NEMF: variants seen among roughly 807,000 people sequenced by gnomAD.
The protein encoded by NEMF is ribosome quality control complex subunit NEMF.
NEMF carries 89 observed loss-of-function variants against 162.2 expected under a neutral mutation model. The ratio of observed to expected loss-of-function variants is 0.55; its 90% CI spans 0.46 to 0.65. The LOEUF (loss-of-function observed/expected upper bound fraction) is 0.65, where lower values mean the gene tolerates loss of function less well. Ranked by LOEUF, NEMF falls within the 30% of genes least tolerant of loss-of-function variation. NEMF has a pLI of 0.00. For synonymous variants in NEMF, 421 were observed against 404.5 expected (o/e 1.04, Z -0.49); for missense variants, 1,133 against 1,261.9 (o/e 0.90, Z 1.55).
chr14:49,794,206 T>C (rs1890582258), intron 26 of NEMF, among the ~76,000 whole-genome samples: 1 of 152,120 alleles, frequency 6.6e-6, no homozygotes, highest in Non-Finnish European at 1.5e-5. Context: ...CATAGGGAAA[T>C]CCCTCCTTAT....
At chr14:49,840,917 C>G (rs757375291) in intron 4 of NEMF, 51 bp from the exon 5 acceptor site, 2 of 1,540,220 alleles carry the variant, frequency 1.3e-6, no homozygotes, top group East Asian at 4.5e-5. Flanking sequence ...ATTTTTGAGG[C>G]CAGGCACAGT....
At chr14:49,824,815 G>A (rs912034872) in intron 16 of NEMF, among the ~76,000 whole-genome samples, 1 of 151,700 alleles carries the variant, frequency 6.6e-6, no homozygotes, top group Non-Finnish European at 1.5e-5. Context: ...GAAGCTTCTG[G>A]AACACACACT....
intron 1 of NEMF, 76 bp downstream of exon 1, chr14:49,852,619 G>C: frequency 6.8e-7 from 1 of 1,481,136 alleles, no homozygotes; most frequent in Non-Finnish European, 9.4e-7. Context: ...TATCAAGCTG[G>C]TCTGTTTGCG....
intron 15 of NEMF, among the ~76,000 whole-genome samples, chr14:49,826,733 T>C (rs1211699280): frequency 6.6e-6 from 1 of 152,092 alleles, no homozygotes; most frequent in African/African-American, 2.4e-5. Flanking sequence ...ACACAAAGAT[T>C]CTACTTTCAT....
chr14:49,799,207 C>CAAAAAA (rs780442972), intron 25 of NEMF, among the ~76,000 whole-genome samples: 2,600 of 59,048 alleles, frequency 0.044, 553 homozygotes, highest in East Asian at 0.06. Flanking sequence ...GACCCTGTTT[C>CAAAAAA]AAAAAAAAAA....
chr14:49,806,252 A>ATTTT (rs1891199006), intron 18 of NEMF, 119 bp from the exon 19 acceptor site: 3 of 16,740 alleles, frequency 1.8e-4, no homozygotes, highest in African/African-American at 5.4e-4. Context: ...ATATATATAT[A>ATTTT]TATATTTTTT....
Position 49,789,499 on chromosome 14 carries a change from C to T in NEMF, c.2694G>A (p.Leu898=), listed in dbSNP as rs1466582453. The change falls in exon 27 of 33, where the codon CTG becomes CTA. Residue 898 remains leucine, a synonymous_variant. Transcript: ENST00000298310. ...AATGTTTTTAGATGTTATTTACCCCCAGCAACTTCATGATAAGTTCACGGT... is the reference window on the plus strand; with the variant it reads ...AATGTTTTTAGATGTTATTTACCCCTAGCAACTTCATGATAAGTTCACGGT... The part of the protein sequence containing the change: ...EEDRELIMKL[L]GSAGSNKEEK... 3 of 1,612,036 alleles carry T rather than the reference C, an allele frequency of 1.9e-6. No homozygotes were observed. In the African/African-American group the frequency reaches 4.0e-5, roughly 22 times the overall value.
intron 18 of NEMF, 75 bp from the exon 19 acceptor site, chr14:49,806,208 C>CGCATGACA (rs1891180985): frequency 5.0e-6 from 3 of 594,406 alleles, no homozygotes; most frequent in Non-Finnish European, 8.6e-6. Flanking sequence ...AATCACATGC[C>CGCATGACA]GCATGACAGG....
chr14:49,828,314 T>C lies in NEMF; in HGVS notation c.1465A>G (p.Lys489Glu). The change falls in exon 15 of 33, where the codon AAG becomes GAG. Residue 489 changes from lysine (K) to glutamate (E), a missense_variant. Lys to Glu is a moderately conservative substitution (Grantham distance 56). Transcript: ENST00000298310. ...ACCTTCTCAGCAGCTTCAACAGTCT[T>C]TTGTGTTTTCTTAGCAGCATATCTC... ...HKRYAAKKTQKTVEAAEKAFK... is the reference protein window; with the variant it reads ...HKRYAAKKTQETVEAAEKAFK... 2.5e-6 allele frequency: 4 copies of C among 1,605,930 alleles called. No individual in the cohort carries two copies. The highest frequency in any genetic ancestry group is 3.4e-6 in the Non-Finnish European group (4 of 1,174,518).
At chr14:49,803,047 T>C (rs1247297748) in intron 20 of NEMF, among the ~76,000 whole-genome samples, 190 bp downstream of exon 20, 1 of 152,200 alleles carries the variant, frequency 6.6e-6, no homozygotes, top group African/African-American at 2.4e-5. Flanking sequence ...TCAATAAAAA[T>C]ATACATGAAG....
chr14:49,817,698 T>C (rs1221279684), intron 16 of NEMF, among the ~76,000 whole-genome samples: 1 of 152,196 alleles, frequency 6.6e-6, no homozygotes, highest in Non-Finnish European at 1.5e-5. Context: ...CAGAATATTA[T>C]AAACTTTCTG....
chr14:49,846,852 G>A (rs1204097325), intron 3 of NEMF, among the ~76,000 whole-genome samples: 1 of 152,124 alleles, frequency 6.6e-6, no homozygotes, highest in African/African-American at 2.4e-5. Context: ...CCTTGTTGTG[G>A]TCCTAATGAC....
intron 26 of NEMF, among the ~76,000 whole-genome samples, 164 bp downstream of exon 26, chr14:49,795,627 C>T (rs1413717587): frequency 6.6e-6 from 1 of 152,210 alleles, no homozygotes; most frequent in Non-Finnish European, 1.5e-5. Context: ...TAATAGTGAT[C>T]TCTGTGTTCC....
intron 16 of NEMF, among the ~76,000 whole-genome samples, chr14:49,819,874 T>G (rs1262854981): frequency 1.3e-5 from 2 of 152,142 alleles, no homozygotes; most frequent in African/African-American, 4.8e-5. Context: ...TAGGATGTTG[T>G]GATACCCATT....
chr14:49,826,000 T>G, intron 15 of NEMF, 45 bp from the exon 16 acceptor site: 1 of 1,335,116 alleles, frequency 7.5e-7, no homozygotes, highest in Non-Finnish European at 1.1e-6. Flanking sequence ...TAAGAATGTA[T>G]TTAAATAACA....
intron 6 of NEMF, among the ~76,000 whole-genome samples, chr14:49,834,953 C>T (rs974114788): frequency 1.3e-5 from 2 of 152,288 alleles, no homozygotes; most frequent in Non-Finnish European, 2.9e-5. Flanking sequence ...AATCCCGGCA[C>T]TTTGGGAGGC....
intron 15 of NEMF, among the ~76,000 whole-genome samples, chr14:49,826,156 A>C (rs1286407086): frequency 6.6e-6 from 1 of 152,172 alleles, no homozygotes; most frequent in Non-Finnish European, 1.5e-5. Context: ...GTATTAAAAT[A>C]ATCTAAACTA....
At chr14:49,794,935 C>T (rs1373678505) in intron 26 of NEMF, among the ~76,000 whole-genome samples, 1 of 151,918 alleles carries the variant, frequency 6.6e-6, no homozygotes, top group African/African-American at 2.4e-5. Context: ...ATAGGCTGGT[C>T]TTGAACTCCT....
chr14:49,840,334 C>T (rs1893134472), intron 5 of NEMF, among the ~76,000 whole-genome samples: 2 of 152,156 alleles, frequency 1.3e-5, no homozygotes, highest in South Asian at 2.1e-4. Flanking sequence ...TGGTGGCGCA[C>T]GCCTATAGTC....
Sources: gnomAD v4.1 joint callset for allele counts (sites outside exome capture counted in the v4.1 genomes callset) on GRCh38, gnomAD v4.1.1 for gene constraint, MANE v1.5 for transcripts, NCBI Gene and HGNC (gene_info 2026-07-23, HGNC 2026-07-21) for gene names.